AQP7B: variants seen among roughly 807,000 people sequenced by gnomAD.
The protein encoded by AQP7B is aquaporin 7B.
the AQP7B span, among the ~76,000 whole-genome samples, chr2:94,596,119 C>A: frequency 1.3e-5 from 2 of 152,246 alleles, no homozygotes; most frequent in Non-Finnish European, 2.9e-5. Context: ...CCGTCAGCGG[C>A]ATGGGCAGCG....
the AQP7B span, among the ~76,000 whole-genome samples, chr2:94,589,410 C>T: frequency 5.3e-5 from 8 of 152,074 alleles, no homozygotes; most frequent in Non-Finnish European, 1.2e-4. Flanking sequence ...AGCCCACTCT[C>T]ATCTTCATGG....
At chr2:94,596,207 A>G in the AQP7B span, among the ~76,000 whole-genome samples, 3 of 152,230 alleles carry the variant, frequency 2.0e-5, no homozygotes, top group Admixed American at 2.0e-4. Flanking sequence ...TAACCTTGAC[A>G]AGGGTTCTTC....
chr2:94,601,574 G>A, the AQP7B span, among the ~76,000 whole-genome samples: 3 of 152,330 alleles, frequency 2.0e-5, no homozygotes, highest in East Asian at 5.8e-4. Context: ...GGAAGTGGAA[G>A]CCAGATTGAG....
chr2:94,595,635 C>A, the AQP7B span, among the ~76,000 whole-genome samples: 1 of 151,940 alleles, frequency 6.6e-6, no homozygotes, highest in African/African-American at 2.4e-5. Flanking sequence ...CAAGAGGGAA[C>A]AAGTTAAGAG....
At chr2:94,600,693 C>T in the AQP7B span, among the ~76,000 whole-genome samples, 2 of 152,284 alleles carry the variant, frequency 1.3e-5, no homozygotes, top group East Asian at 3.9e-4. Context: ...GTCTGGCCAA[C>T]ATCGTGAAAC....
the AQP7B span, chr2:94,604,533 C>A: frequency 3.1e-4 from 495 of 1,608,824 alleles, 1 homozygote; most frequent in Non-Finnish European, 3.8e-4. Flanking sequence ...GTCCACTCTG[C>A]CCCACCCTTA....
At chr2:94,598,417 G>A in the AQP7B span, among the ~76,000 whole-genome samples, 1 of 152,122 alleles carries the variant, frequency 6.6e-6, no homozygotes, top group Non-Finnish European at 1.5e-5. Context: ...CACATTCACT[G>A]ATCAGGGAGA....
At chr2:94,603,520 G>C in the AQP7B span, 1 of 1,598,708 alleles carries the variant, frequency 6.3e-7, no homozygotes, top group Non-Finnish European at 8.5e-7. Context: ...TCCAGGATGA[G>C]TACCCCTCCC....
At chr2:94,595,135 A>G in the AQP7B span, among the ~76,000 whole-genome samples, 1 of 151,988 alleles carries the variant, frequency 6.6e-6, no homozygotes, top group South Asian at 2.1e-4. Context: ...GGAAACCCAG[A>G]GTAAAGATAT....
chr2:94,603,184 C>T, the AQP7B span: 2 of 1,485,066 alleles, frequency 1.3e-6, no homozygotes, highest in Middle Eastern at 1.9e-4. Context: ...AGCAAGTGTG[C>T]TGCCTGGGTG....
chr2:94,594,741 C>T, the AQP7B span: 2 of 1,561,646 alleles, frequency 1.3e-6, no homozygotes, highest in Admixed American at 1.7e-5. Context: ...GCCACTGTCT[C>T]AGGTCCACCC....
At chr2:94,599,241 A>T in the AQP7B span, among the ~76,000 whole-genome samples, 1 of 149,574 alleles carries the variant, frequency 6.7e-6, no homozygotes, top group African/African-American at 2.5e-5. Context: ...TCCTGACCTC[A>T]CTCCCCCCGG....
chr2:94,587,952 C>T, the AQP7B span, among the ~76,000 whole-genome samples: 44 of 151,908 alleles, frequency 2.9e-4, no homozygotes, highest in East Asian at 4.4e-3. Context: ...GAGGGGACTT[C>T]GGGCTACCTT....
the AQP7B span, among the ~76,000 whole-genome samples, chr2:94,592,202 G>A: frequency 6.6e-6 from 1 of 152,106 alleles, no homozygotes; most frequent in Non-Finnish European, 1.5e-5. Flanking sequence ...TTGGATGGGA[G>A]CCAGTGGAGG....
the AQP7B span, among the ~76,000 whole-genome samples, chr2:94,593,310 C>T: frequency 1.3e-5 from 2 of 151,534 alleles, no homozygotes; most frequent in East Asian, 2.0e-4. Context: ...AGACCATTCT[C>T]GGTGTAGGAC....
chr2:94,603,207 C>T, the AQP7B span: 2 of 1,451,444 alleles, frequency 1.4e-6, no homozygotes, highest in Admixed American at 2.0e-5. Context: ...CACCTCTGGC[C>T]TCAGCCGCCT....
the AQP7B span, among the ~76,000 whole-genome samples, chr2:94,588,769 GGAT>G: frequency 2.7e-5 from 4 of 149,760 alleles, no homozygotes; most frequent in Non-Finnish European, 4.5e-5. Flanking sequence ...AGAAATACTT[GGAT>G]GAGGGTCAAG....
At chr2:94,604,139 G>C in the AQP7B span, 1 of 817,698 alleles carries the variant, frequency 1.2e-6, no homozygotes, top group African/African-American at 1.7e-5. Flanking sequence ...CCCTGAATCG[G>C]GCTGAGGCTG....
the AQP7B span, among the ~76,000 whole-genome samples, chr2:94,593,710 T>C: frequency 6.6e-6 from 1 of 151,926 alleles, no homozygotes; most frequent in Non-Finnish European, 1.5e-5. Context: ...GGTCTCGAAC[T>C]CCCAACCTCA....
Sources: allele counts gnomAD v4.1 joint callset (sites outside exome capture counted in the v4.1 genomes callset), GRCh38; gene constraint gnomAD v4.1.1; transcripts MANE v1.5; gene names NCBI Gene and HGNC (gene_info 2026-07-23, HGNC 2026-07-21).